Variants in RBFOX1 observed in about 807,000 individuals in gnomAD.
RBFOX1 encodes the protein RNA binding protein fox-1 homolog 1.
RBFOX1 carries 8 observed loss-of-function variants against 57.7 expected under a neutral mutation model. The observed-to-expected ratio is 0.14, with a 90% CI of 0.08 to 0.25. RBFOX1 has a LOEUF of 0.25. RBFOX1 is among the 10% of genes least tolerant of loss of function. The pLI, the probability that RBFOX1 is intolerant of heterozygous loss-of-function variation, is 1.00. For missense variants in RBFOX1, 611 were observed against 548.5 expected, an observed-to-expected ratio of 1.11 and a Z score of -1.14; for synonymous variants, 326 against 222.4, an observed-to-expected ratio of 1.47 and a Z score of -4.15.
At chr16:6,647,276 G>C (rs563781424) in intron 2 of RBFOX1, among the ~76,000 whole-genome samples, 173 of 152,130 alleles carry the variant, frequency 1.1e-3, no homozygotes, top group South Asian at 4.4e-3. Flanking sequence ...TGGAATCTTG[G>C]TCTGTTGCCC....
chr16:6,604,695 C>T (rs564064447), intron 2 of RBFOX1, among the ~76,000 whole-genome samples: 8 of 152,150 alleles, frequency 5.3e-5, no homozygotes, highest in Non-Finnish European at 1.0e-4. Flanking sequence ...TAAGCATATA[C>T]ACATGCACAC....
intron 3 of RBFOX1, among the ~76,000 whole-genome samples, chr16:7,024,712 A>C (rs2040369061): frequency 6.6e-6 from 1 of 151,970 alleles, no homozygotes; most frequent in South Asian, 2.1e-4. Context: ...ATTCCTCAGC[A>C]CTCTGTCCTG....
At chr16:6,275,528 G>A (rs1343241634) in intron 1 of RBFOX1, among the ~76,000 whole-genome samples, 1 of 152,094 alleles carries the variant, frequency 6.6e-6, no homozygotes, top group Non-Finnish European at 1.5e-5. Flanking sequence ...AGGGCACTGA[G>A]ACTGAAAAAA....
intron 4 of RBFOX1, among the ~76,000 whole-genome samples, chr16:7,167,231 C>G (rs2079755345): frequency 6.6e-6 from 1 of 151,764 alleles, no homozygotes. Flanking sequence ...AGTGATCTGC[C>G]AGCTTCTGCC....
At chr16:6,909,869 G>T (rs2153429908) in intron 3 of RBFOX1, among the ~76,000 whole-genome samples, 1 of 152,230 alleles carries the variant, frequency 6.6e-6, no homozygotes, top group Admixed American at 6.5e-5. Flanking sequence ...TCGTGTGACT[G>T]AATTTGCCTG....
At chr16:7,433,529 C>T (rs2098698762) in intron 4 of RBFOX1, among the ~76,000 whole-genome samples, 1 of 152,208 alleles carries the variant, frequency 6.6e-6, no homozygotes, top group African/African-American at 2.4e-5. Context: ...TGAAATCTTG[C>T]TGAAAGACTG....
chr16:7,115,129 A>T (rs2065607332), intron 4 of RBFOX1, among the ~76,000 whole-genome samples: 1 of 152,226 alleles, frequency 6.6e-6, no homozygotes. Context: ...TTAAGTTTCC[A>T]ACGTGTAGAT....
chr16:7,273,180 TCCTTCCTCCCTTCCTTCCTCCCTC>T (rs1567985249), intron 4 of RBFOX1, among the ~76,000 whole-genome samples: 7 of 119,620 alleles, frequency 5.9e-5, no homozygotes, highest in Admixed American at 1.7e-4. Context: ...CTCCCTCCCT[TCCTTCCTCCCTTCCTTCCTCCCTC>T]CCTTCCTTCC....
At chr16:5,518,450 T>A (rs1328202708) in intron 2 of RBFOX1, among the ~76,000 whole-genome samples, 2 of 152,194 alleles carry the variant, frequency 1.3e-5, no homozygotes, top group Non-Finnish European at 2.9e-5. Flanking sequence ...TTTTACTACT[T>A]GGCAACAAGG....
rs1422759966 is a variant in RBFOX1 at position 6,540,528 on chromosome 16, C to A, written c.-63-114075C>A. 4.1e-5 allele frequency among the ~76,000 whole-genome samples: 6 copies of A among 147,628 alleles called. No individual in the cohort carries two copies. In the East Asian group the frequency reaches 1.3e-3, roughly 31 times the overall value. ...TCAGGAGGCTGAGGCAGGAAAATCG[C>A]TTGAACCTGGGAGGCCGAGGTTGCA... On this transcript the variant is annotated intron_variant, in intron 2 of 15. Coordinates refer to ENST00000550418, the MANE Select transcript of RBFOX1 (RefSeq NM_018723.4).
chr16:6,971,144 C>G (rs2085445594), intron 3 of RBFOX1, among the ~76,000 whole-genome samples: 1 of 152,018 alleles, frequency 6.6e-6, no homozygotes, highest in African/African-American at 2.4e-5. Context: ...TTGAGTGGGT[C>G]TACTAATACA....
chr16:6,839,711 C>T (rs763981928), intron 3 of RBFOX1, among the ~76,000 whole-genome samples: 10 of 152,154 alleles, frequency 6.6e-5, no homozygotes, highest in South Asian at 4.2e-4. Context: ...TTAGAAGGCA[C>T]ACGATTCTTC....
chr16:6,952,033 T>G (rs534244425), intron 3 of RBFOX1, among the ~76,000 whole-genome samples: 2 of 152,324 alleles, frequency 1.3e-5, no homozygotes, highest in South Asian at 4.1e-4. Flanking sequence ...GTGGCCACTG[T>G]TGAAAAAAGT....
chr16:7,660,263 C>T, intron 12 of RBFOX1, among the ~76,000 whole-genome samples: 1 of 152,102 alleles, frequency 6.6e-6, no homozygotes, highest in East Asian at 1.9e-4. Flanking sequence ...TGCATTATGT[C>T]CTTGCAAAAG....
intron 4 of RBFOX1, among the ~76,000 whole-genome samples, chr16:7,502,411 A>G (rs1396659579): frequency 2.0e-5 from 3 of 152,192 alleles, no homozygotes; most frequent in Admixed American, 6.5e-5. Flanking sequence ...GGCTTTGTGC[A>G]TTCTTTATAA....
At position 5,993,401 on chromosome 16, in the gene RBFOX1, G is replaced by GAC. The variant is rs1257785148; in HGVS notation, c.351+126067_351+126068insCA. On this transcript the variant is annotated intron_variant, in intron 4 of 19. Coordinates refer to the RBFOX1 transcript ENST00000641259. ...TGTGTGTGTGAGAGAGAGAGAGACAGAGAGAGAGAGAGAGAGAGAAGGAGA... is the reference window on the plus strand; with the variant it reads ...TGTGTGTGTGAGAGAGAGAGAGACAGACAGAGAGAGAGAGAGAGAGAAGGAGA... Among the ~76,000 whole-genome samples the GAC allele has an allele frequency of 1.3e-3, 95 of 74,912 alleles. 2 individuals carry two copies. Among genetic ancestry groups the GAC allele is most frequent in the East Asian group, 6.4e-3 (11 of 1,732 alleles). The allele number at this position is 74,912 out of a possible 152,430, so 49.1% of individuals were successfully genotyped here. A position where few individuals can be genotyped will look rare whatever the true frequency, so the allele number is the denominator to read the frequency against.
chr16:5,758,485 C>G lies in RBFOX1; in HGVS notation c.319-108818C>G, dbSNP rs192795627. On this transcript the variant is annotated intron_variant, in intron 3 of 19. Transcript: ENST00000641259. ...CCAAAGCGCAGCACAGTGGCCCTGTCTGTTGGATGAGAGCATTGCTTGGTG... is the reference window on the plus strand; with the variant it reads ...CCAAAGCGCAGCACAGTGGCCCTGTGTGTTGGATGAGAGCATTGCTTGGTG... 4.6e-5 allele frequency among the ~76,000 whole-genome samples: 7 copies of G among 152,282 alleles called. 1 individual carries two copies. The highest frequency in any genetic ancestry group is 4.1e-4 in the South Asian group (2 of 4,832).
intron 1 of RBFOX1, among the ~76,000 whole-genome samples, chr16:5,430,274 G>A (rs1184963871): frequency 6.6e-6 from 1 of 152,132 alleles, no homozygotes; most frequent in African/African-American, 2.4e-5. Context: ...CTGACCTGGG[G>A]GTCAGGGGAG....
At chr16:6,590,217 T>G (rs1383639881) in intron 2 of RBFOX1, among the ~76,000 whole-genome samples, 1 of 152,218 alleles carries the variant, frequency 6.6e-6, no homozygotes, top group Non-Finnish European at 1.5e-5. Flanking sequence ...CAAGAGCTAT[T>G]ACTTTTCTTT....
Sources: allele counts gnomAD v4.1 joint callset (sites outside exome capture counted in the v4.1 genomes callset), GRCh38; gene constraint gnomAD v4.1.1; transcripts MANE v1.5; gene names NCBI Gene and HGNC (gene_info 2026-07-23, HGNC 2026-07-21).